The following NFE2L2 variants were observed in gnomAD, a reference collection of about 807,000 sequenced individuals.
The protein encoded by NFE2L2 is NFE2 like bZIP transcription factor 2, also known as nuclear factor erythroid 2-related factor 2.
Under a neutral mutation model 49.6 loss-of-function variants are expected in NFE2L2, and 20 were observed. The ratio of observed to expected loss-of-function variants is 0.40; its 90% confidence interval spans 0.28 to 0.59. The LOEUF (loss-of-function observed/expected upper bound fraction) is 0.59, where lower values mean the gene tolerates loss of function less well. Among genes scored for constraint, NFE2L2 ranks in the 20% least tolerant of loss-of-function variants. The probability of loss-of-function intolerance (pLI) is 0.40; values close to 1 mark genes in which losing one functional copy is unlikely to be tolerated. For synonymous variants in NFE2L2, 244 were observed against 256.5 expected, an observed-to-expected ratio of 0.95 and a Z score of 0.47; for missense variants, 578 against 714.2, an observed-to-expected ratio of 0.81 and a Z score of 2.17.
chr2:177,262,958 G>A (rs1690793335), intron 1 of NFE2L2, among the ~76,000 whole-genome samples: 1 of 152,148 alleles, frequency 6.6e-6, no homozygotes, highest in African/African-American at 2.4e-5. Context: ...TTTAAAGGGG[G>A]AAAAAAGCAC....
chr2:177,259,903 G>A (rs1051338745), intron 1 of NFE2L2, among the ~76,000 whole-genome samples: 1 of 152,058 alleles, frequency 6.6e-6, no homozygotes, highest in African/African-American at 2.4e-5. Context: ...CTGCACTCCA[G>A]CCTGGGCGAC....
Position 177,231,407 on chromosome 2 carries a change from G to T in NFE2L2, c.1196C>A (p.Ser399Tyr). 1 of 1,614,154 alleles carries T rather than the reference G, an allele frequency of 6.2e-7. No homozygotes were observed. The highest frequency in any genetic ancestry group is 2.2e-5 in the East Asian group (1 of 44,902). Residue 399 changes from serine to tyrosine, a missense_variant, in exon 5 of 5, where the codon TCT becomes TAT. Ser to Tyr is a moderately radical substitution (Grantham distance 144). This residue lies in a region of NFE2L2 where 368 missense variants were observed against 384.6 expected (regional missense o/e 0.96). Transcript: ENST00000397062. ...KQNGPKTPVH[S>Y]SGDMVQPLSP... is the part of the protein sequence containing the mutation. ...CAAGGGTTGTACCATATCCCCAGAA[G>T]AATGTACTGGTGTTTTAGGACCATT...
At chr2:177,233,438 CAAGTT>C (rs376134535) in intron 2 of NFE2L2, 99 bp from the exon 3 acceptor site, 266 of 898,224 alleles carry the variant, frequency 3.0e-4, no homozygotes, top group Middle Eastern at 4.4e-4. Flanking sequence ...TATTTATAAT[CAAGTT>C]AAGTAAATAT....
intron 4 of NFE2L2, 74 bp from the exon 5 acceptor site, chr2:177,232,082 T>C: frequency 7.3e-7 from 1 of 1,370,158 alleles, no homozygotes; most frequent in Non-Finnish European, 1.0e-6. Context: ...TTAGATAAAC[T>C]CCCTACCCAC....
chr2:177,243,076 T>C (rs949047127), intron 1 of NFE2L2, among the ~76,000 whole-genome samples: 1 of 152,162 alleles, frequency 6.6e-6, no homozygotes, highest in African/African-American at 2.4e-5. Flanking sequence ...CATGTATGTA[T>C]TGAGTTCTAA....
Position 177,234,009 on chromosome 2 carries a change from G to A in NFE2L2, c.308C>T (p.Ser103Phe), listed in dbSNP as rs780376052. The change falls in exon 2 of 5, where the codon TCC (serine) becomes TTC (phenylalanine). Residue 103 changes from serine (S) to phenylalanine (F), a missense_variant. Ser to Phe is a radical substitution (Grantham distance 155). Around this residue, in one of 3 missense-constraint regions of NFE2L2, gnomAD observed 93 missense variants for 153.9 expected, o/e 0.60. Transcript: ENST00000397062. ...QSETSGSANY[S>F]QVAHIPKSDA... Reference sequence around the variant, plus strand: ...CAAGAACTGAGTACTCTGTACCTGGGAGTAGTTGGCAGATCCACTGGTTTC... The same window carrying A: ...CAAGAACTGAGTACTCTGTACCTGGAAGTAGTTGGCAGATCCACTGGTTTC... The A allele has an allele frequency of 6.2e-7, 1 of 1,614,176 alleles. No individual in the cohort carries two copies.
At chr2:177,260,822 T>C (rs1383098843) in intron 1 of NFE2L2, among the ~76,000 whole-genome samples, 1 of 151,816 alleles carries the variant, frequency 6.6e-6, no homozygotes, top group East Asian at 1.9e-4. Flanking sequence ...TTCTGAAAAA[T>C]GTGAGGCAGA....
At chr2:177,253,772 A>G (rs565921176) in intron 1 of NFE2L2, among the ~76,000 whole-genome samples, 5 of 152,368 alleles carry the variant, frequency 3.3e-5, no homozygotes, top group Admixed American at 1.3e-4. Flanking sequence ...CCGGAAATAA[A>G]GTACGATATC....
In NFE2L2 at chr2:177,230,947, T is replaced by C. The variant is rs984737049; in HGVS notation, c.1656A>G (p.Leu552=). 11 of 1,612,554 alleles carry C rather than the reference T, an allele frequency of 6.8e-6. No individual in the cohort carries two copies. The highest frequency in any genetic ancestry group is 6.7e-5 in the African/African-American group (5 of 74,850). Residue 552 remains leucine (L), a synonymous_variant, in exon 5 of 5, where the codon CTA becomes CTG. Coordinates refer to ENST00000397062, the MANE Select transcript of NFE2L2 (RefSeq NM_006164.5). ...EKGENDKSLH[L]LKKQLSTLYL... ...ATAAGGTGCTGAGTTGTTTTTTCAG[T>C]AGGTGAAGGCTTTTGTCATTTTCTC...
chr2:177,250,275 C>T (rs1229170034), intron 1 of NFE2L2, among the ~76,000 whole-genome samples: 4 of 152,188 alleles, frequency 2.6e-5, no homozygotes, highest in African/African-American at 7.2e-5. Context: ...GAGGGTACTA[C>T]CTGTTCCAAC....
At chr2:177,239,011 A>G (rs559558279) in intron 1 of NFE2L2, among the ~76,000 whole-genome samples, 4 of 152,348 alleles carry the variant, frequency 2.6e-5, no homozygotes, top group African/African-American at 9.6e-5. Context: ...CACACATTCA[A>G]TTGCCACTCA....
intron 1 of NFE2L2, among the ~76,000 whole-genome samples, chr2:177,236,743 C>T (rs1276916281): frequency 6.6e-6 from 1 of 152,164 alleles, no homozygotes; most frequent in Non-Finnish European, 1.5e-5. Flanking sequence ...TTTAACTCAT[C>T]CCTGGATTAC....
intron 1 of NFE2L2, among the ~76,000 whole-genome samples, chr2:177,236,027 T>C (rs1347004316): frequency 6.6e-6 from 1 of 152,196 alleles, no homozygotes; most frequent in Non-Finnish European, 1.5e-5. Context: ...AATTTGAGAA[T>C]GGAAAAAAAT....
intron 3 of NFE2L2, chr2:177,232,911 C>G (rs564343609): frequency 2.1e-6 from 1 of 470,400 alleles, no homozygotes; most frequent in African/African-American, 2.0e-5. Flanking sequence ...AACAAGTCTT[C>G]GTTTATTGCC....
chr2:177,249,179 A>G (rs1690244246), intron 1 of NFE2L2, among the ~76,000 whole-genome samples: 1 of 152,124 alleles, frequency 6.6e-6, no homozygotes, highest in Admixed American at 6.6e-5. Context: ...TGTTTCTGCC[A>G]CTATACTACA....
intron 1 of NFE2L2, among the ~76,000 whole-genome samples, chr2:177,249,072 T>C (rs1457711129): frequency 6.6e-6 from 1 of 150,398 alleles, no homozygotes; most frequent in African/African-American, 2.4e-5. Context: ...AAAAAAAAAA[T>C]AGCCAGGCGT....
rs201992337 is a variant in NFE2L2, at chr2:177,232,532, C to T, written c.454G>A (p.Glu152Lys). ...SLVPDIPGHI[E>K]SPVFIATNQA... is the part of the protein sequence containing the mutation. The stretch of plus-strand genomic sequence containing the variant: ...TTAGTAGCAATGAAGACTGGGCTCT[C>T]GATGTGACCGGGAATATCAGGAACA... Residue 152 changes from glutamate (E) to lysine (K), a missense_variant, in exon 4 of 5, where the codon GAG becomes AAG. Glu to Lys is a moderately conservative substitution (Grantham distance 56). Around this residue, in one of 3 missense-constraint regions of NFE2L2, gnomAD observed 368 missense variants for 384.6 expected, o/e 0.96. Transcript: ENST00000397062. 6.2e-5 allele frequency: 100 copies of T among 1,613,982 alleles called. No individual in the cohort carries two copies. Among genetic ancestry groups the T allele is most frequent in the Non-Finnish European group, 5.3e-5 (63 of 1,179,952 alleles).
chr2:177,257,722 G>A (rs1051358889), intron 1 of NFE2L2, among the ~76,000 whole-genome samples: 2 of 152,206 alleles, frequency 1.3e-5, no homozygotes, highest in African/African-American at 2.4e-5. Context: ...AGCAGTAGGC[G>A]AGCATTCCCG....
At position 177,249,800 on chromosome 2, in the gene NFE2L2, A is replaced by G. The variant is rs142945272; in HGVS notation, c.45+14732T>C. 3.0e-3 allele frequency among the ~76,000 whole-genome samples: 456 copies of G among 152,374 alleles called. 10 individuals are homozygous for G. In the East Asian group the frequency reaches 0.046, roughly 15 times the overall value. On this transcript the variant is annotated intron_variant, in intron 1 of 4. Transcript: ENST00000397062. ...TAGTCTTGCCAACACTACAAGGTAT[A>G]TTTAACAGAAAAATATTTTATACTA... is the stretch of plus-strand genomic sequence containing the variant.
Sources: allele counts gnomAD v4.1 joint callset (sites outside exome capture counted in the v4.1 genomes callset), GRCh38; gene constraint gnomAD v4.1.1; regional missense constraint gnomAD v4.1.1; transcripts MANE v1.5; gene names NCBI Gene and HGNC (gene_info 2026-07-23, HGNC 2026-07-21).